SLC19A1: variants seen among roughly 807,000 people sequenced by gnomAD.
SLC19A1 encodes solute carrier family 19 member 1, also known as reduced folate transporter.
In SLC19A1, 37 loss-of-function variants were observed where a neutral mutation model predicts 35.3. The ratio of observed to expected loss-of-function variants is 1.05; its 90% CI spans 0.81 to 1.38. The LOEUF is 1.38. Ranked by LOEUF, SLC19A1 falls within the 40% of genes most tolerant of loss-of-function variation. The pLI is 0.00. For synonymous variants in SLC19A1, 460 were observed against 398.5 expected, an observed-to-expected ratio of 1.15 and a Z score of -1.84; for missense variants, 831 against 826.9, an observed-to-expected ratio of 1.00 and a Z score of -0.06.
At chr21:45,555,148 T>G (rs373265868) in intron 1 of SLC19A1, among the ~76,000 whole-genome samples, 2 of 64,104 alleles carry the variant, frequency 3.1e-5, no homozygotes, top group East Asian at 4.8e-4. Context: ...CAGGGGGCGG[T>G]GCAGGGGGCG....
In SLC19A1 at chr21:45,514,969, C is replaced by T. The variant is rs781155286; in HGVS notation, c.*689G>A. 1.5e-5 allele frequency: 23 copies of T among 1,488,854 alleles called. 1 individual carries two copies. Among genetic ancestry groups the T allele is most frequent in the South Asian group, 1.2e-4 (9 of 75,042 alleles). The allele number at this position is 1,488,854 out of a possible 1,614,324, so 92.2% of individuals were successfully genotyped here. ...CACAAGTGTGGGAGCAGCTGAGGAC[C>T]CGCAGGTCAGGATGGACACACTTCA... On this transcript the variant is annotated 3_prime_UTR_variant, in exon 6 of 6. Coordinates refer to ENST00000311124, the MANE Select transcript of SLC19A1 (RefSeq NM_194255.4).
At chr21:45,509,569 C>G (rs944484754), downstream of SLC19A1, 4 of 1,530,164 alleles carry the variant, frequency 2.6e-6, no homozygotes, top group East Asian at 9.7e-5. Context: ...CACAAGCCCA[C>G]CCGCCCACAG....
At chr21:45,560,632 C>G (rs768042422) in intron 1 of SLC19A1, among the ~76,000 whole-genome samples, 4 of 152,200 alleles carry the variant, frequency 2.6e-5, no homozygotes, top group African/African-American at 9.7e-5. Context: ...CCGCACACGG[C>G]GGGGCAGGGG....
chr21:45,522,409 T>C (rs2146260006), intron 5 of SLC19A1, among the ~76,000 whole-genome samples: 1 of 152,326 alleles, frequency 6.6e-6, no homozygotes, highest in South Asian at 2.1e-4. Context: ...ACGGTACGAC[T>C]GCTATGGAAA....
chr21:45,554,738 T>C (rs1445059300), intron 1 of SLC19A1, among the ~76,000 whole-genome samples: 1 of 151,284 alleles, frequency 6.6e-6, no homozygotes, highest in Non-Finnish European at 1.5e-5. Context: ...CGCTTGGCTG[T>C]GGTGACTAAA....
intron 1 of SLC19A1, among the ~76,000 whole-genome samples, chr21:45,551,920 A>G (rs1478146532): frequency 6.6e-6 from 1 of 152,038 alleles, no homozygotes. Context: ...TTATGTCCGT[A>G]CTTTAGGGCA....
rs1212116258 is a variant in SLC19A1 at position 45,515,117 on chromosome 21, C to T, written c.*541G>A. ...CTGCCGCCAACCTGAGATGGCTTTTCCACAGAGACAGAGAAGCCACATGCA... is the reference window on the plus strand; with the variant it reads ...CTGCCGCCAACCTGAGATGGCTTTTTCACAGAGACAGAGAAGCCACATGCA... On this transcript the variant is annotated 3_prime_UTR_variant, in exon 6 of 6. Transcript: ENST00000311124. The T allele has an allele frequency of 1.3e-6, 2 of 1,542,298 alleles. No individual in the cohort carries two copies. Among genetic ancestry groups the T allele is most frequent in the Middle Eastern group, 1.7e-4 (1 of 5,954 alleles).
chr21:45,549,944 T>A (rs1328070329), intron 1 of SLC19A1, among the ~76,000 whole-genome samples: 1 of 151,926 alleles, frequency 6.6e-6, no homozygotes, highest in African/African-American at 2.4e-5. Flanking sequence ...ACAGAGACCC[T>A]CATCTCTGCC....
rs1389361371 is a variant in SLC19A1 at position 45,515,806 on chromosome 21, G to A, written c.1628C>T (p.Pro543Leu). 4.3e-6 allele frequency: 7 copies of A among 1,612,034 alleles called. No individual in the cohort carries two copies. Among genetic ancestry groups the A allele is most frequent in the South Asian group, 1.1e-5 (1 of 91,030 alleles). Reference sequence around the variant, plus strand: ...GGCGGAGCACAGAGTGCAGGGGGAAGGGGTTGTCACTGGGCTCAGGAATTC... The same window carrying A: ...GGCGGAGCACAGAGTGCAGGGGGAAAGGGTTGTCACTGGGCTCAGGAATTC... ...AAEFLSPVTT[P>L]SPCTLCSAQA... The change falls in exon 6 of 6, where the codon CCT becomes CTT. Residue 543 changes from proline to leucine, a missense_variant. Coordinates refer to ENST00000311124, the MANE Select transcript of SLC19A1 (RefSeq NM_194255.4).
At chr21:45,538,498 G>C (rs185962260) in intron 1 of SLC19A1, among the ~76,000 whole-genome samples, 5 of 152,294 alleles carry the variant, frequency 3.3e-5, no homozygotes, top group Admixed American at 2.0e-4. Flanking sequence ...AGGAACGGAC[G>C]CTGCTGGAGG....
At position 45,558,075 on chromosome 21, in the gene SLC19A1, C is replaced by T. The variant is rs565812025; in HGVS notation, c.-50+4667G>A. The stretch of plus-strand genomic sequence containing the variant: ...GCCGAGTGGCTCCATATTCAGACAG[C>T]GGCGGCATCGTCTCCAAGCCTGGGC... On this transcript the variant is annotated intron_variant, in intron 1 of 5. Transcript: ENST00000650808. Among the ~76,000 whole-genome samples, 5 of 152,372 alleles carry T rather than the reference C, an allele frequency of 3.3e-5. No individual in the cohort carries two copies. The East Asian group carries it at 9.6e-4, about 29-fold the overall frequency.
intron 5 of SLC19A1, among the ~76,000 whole-genome samples, chr21:45,522,264 C>G (rs988866752): frequency 3.3e-5 from 5 of 152,054 alleles, no homozygotes; most frequent in African/African-American, 1.2e-4. Context: ...TATTATGCCC[C>G]AGGGAAATGC....
rs2146342654 is a variant in SLC19A1, at chr21:45,530,387, TGTG to T, written c.1151+380_1151+382del. ...GTGTGTGTGTGTCCATGTGTGAGCG[TGTG>T]GTGTGTGTGTGGTGTGAGTGCCTGG... On this transcript the variant is annotated intron_variant, in intron 4 of 5. Coordinates refer to ENST00000311124, the MANE Select transcript of SLC19A1 (RefSeq NM_194255.4). This position sits in a 1 kb window ranked among gnomAD's most constrained non-coding sequence, Gnocchi z 5.3. Among the ~76,000 whole-genome samples, 1 of 151,566 alleles carries T rather than the reference TGTG, an allele frequency of 6.6e-6. No homozygotes were observed. The highest frequency in any genetic ancestry group is 2.4e-5 in the African/African-American group (1 of 41,276).
In SLC19A1 at chr21:45,535,445, G is replaced by A. The variant is rs75899249; in HGVS notation, c.189+2326C>T. 5.2e-3 allele frequency among the ~76,000 whole-genome samples: 796 copies of A among 152,352 alleles called. 10 individuals are homozygous for A. Among genetic ancestry groups the A allele is most frequent in the African/African-American group, 0.018 (757 of 41,586 alleles). ...AAGGGAACCAGGTCCGAGGAGGACA[G>A]CAACCACAGGGCTGCCAGGAAACAC... is the stretch of plus-strand genomic sequence containing the variant. On this transcript the variant is annotated intron_variant, in intron 2 of 5. Coordinates refer to ENST00000311124, the MANE Select transcript of SLC19A1 (RefSeq NM_194255.4).
In SLC19A1 at chr21:45,515,046, C is replaced by T. The variant is rs1256595149; in HGVS notation, c.*612G>A. The stretch of plus-strand genomic sequence containing the variant: ...TGCCCTTAGGGTGGGAGAGAGGAAC[C>T]AGCTCCGAGGACCAGAGCCGCTGCT... On this transcript the variant is annotated 3_prime_UTR_variant, in exon 6 of 6. Coordinates refer to ENST00000311124, the MANE Select transcript of SLC19A1 (RefSeq NM_194255.4). 6.5e-7 allele frequency: 1 copy of T among 1,543,502 alleles called. No individual in the cohort carries two copies. Among genetic ancestry groups the T allele is most frequent in the East Asian group, 2.5e-5 (1 of 40,768 alleles).
At chr21:45,509,215 C>A (rs1463924786), downstream of SLC19A1, 3 of 1,156,964 alleles carry the variant, frequency 2.6e-6, no homozygotes, top group Non-Finnish European at 3.6e-6. Context: ...ACCCCCAGGG[C>A]AGCCCCAGAG....
chr21:45,519,570 CAAAAAAAAAAAAA>C (rs57639933), intron 5 of SLC19A1, among the ~76,000 whole-genome samples: 2 of 57,232 alleles, frequency 3.5e-5, no homozygotes, highest in Non-Finnish European at 6.6e-5. Context: ...AACTTCTGAG[CAAAAAAAAAAAAA>C]AAAAAAAAAA....
At position 45,514,837 on chromosome 21, in the gene SLC19A1, C is replaced by T. The variant is rs1348258790; in HGVS notation, c.*821G>A. The stretch of plus-strand genomic sequence containing the variant: ...AGGCCGCTGGGACGTACTTCCCCAG[C>T]GCCCACCACAAAGGCAGCCCCCCCA... On this transcript the variant is annotated 3_prime_UTR_variant, in exon 6 of 6. Transcript: ENST00000311124. 15 of 602,570 alleles carry T rather than the reference C, an allele frequency of 2.5e-5. No homozygotes were observed. Among genetic ancestry groups the T allele is most frequent in the East Asian group, 3.2e-5 (1 of 31,188 alleles). The allele number at this position is 602,570 out of a possible 1,614,324, so 37.3% of individuals were successfully genotyped here.
chr21:45,521,560 A>T (rs1331183348), intron 5 of SLC19A1, among the ~76,000 whole-genome samples: 1 of 152,264 alleles, frequency 6.6e-6, no homozygotes, highest in Admixed American at 6.5e-5. Context: ...ATAATAGTCA[A>T]AACAATTTTG....
Sources: allele counts gnomAD v4.1 joint callset (sites outside exome capture counted in the v4.1 genomes callset), GRCh38; gene constraint gnomAD v4.1.1; non-coding constraint Gnocchi (gnomAD v3.1); transcripts MANE v1.5; gene names NCBI Gene and HGNC (gene_info 2026-07-23, HGNC 2026-07-21).